Variants in ITGA1 observed in about 807,000 individuals in gnomAD.
ITGA1 encodes the protein integrin subunit alpha 1.
A neutral mutation model predicts 145.9 loss-of-function variants in ITGA1; 85 were observed. The ratio of observed to expected loss-of-function variants is 0.58; its 90% CI spans 0.49 to 0.70. ITGA1 has a LOEUF of 0.70. ITGA1 is among the 30% of genes least tolerant of loss of function. The pLI is 0.00. For synonymous variants in ITGA1, 520 were observed against 495.3 expected (o/e 1.05, Z -0.66); for missense variants, 1,351 against 1,418.7 (o/e 0.95, Z 0.77).
At chr5:52,877,361 A>T (rs1267713419) in intron 6 of ITGA1, among the ~76,000 whole-genome samples, 2 of 152,262 alleles carry the variant, frequency 1.3e-5, no homozygotes, top group East Asian at 3.9e-4. Flanking sequence ...AGCTAAGGTA[A>T]TGAGGTAGGA....
intron 2 of ITGA1, among the ~76,000 whole-genome samples, chr5:52,857,616 T>C (rs73754052): frequency 0.28 from 41,933 of 152,134 alleles, 6,061 homozygotes; most frequent in South Asian, 0.39. Flanking sequence ...TCTGTGACAC[T>C]GCTGTTTTCT....
intron 24 of ITGA1, among the ~76,000 whole-genome samples, chr5:52,939,076 T>C (rs961523531): frequency 6.6e-6 from 1 of 152,054 alleles, no homozygotes. Context: ...CTAATTTTTG[T>C]ATTTCTAGTA....
Position 52,926,427 on chromosome 5 carries a change from C to T in ITGA1, c.2613+940C>T, listed in dbSNP as rs181128059. On this transcript the variant is annotated intron_variant, in intron 19 of 28. Transcript: ENST00000282588. ...ACCATCCAGGCTAACACGGTGAAAC[C>T]CCCTCTCTACTAAAAATACAAAAAA... Among the ~76,000 whole-genome samples, 13 of 152,004 alleles carry T rather than the reference C, an allele frequency of 8.6e-5. No individual in the cohort carries two copies. The East Asian group carries it at 2.5e-3, about 30-fold the overall frequency.
chr5:52,861,639 G>C, intron 3 of ITGA1, 80 bp downstream of exon 3: 1 of 825,612 alleles, frequency 1.2e-6, no homozygotes, highest in South Asian at 1.5e-5. Flanking sequence ...AAGAGGTCAA[G>C]ACAGGCATAT....
intron 26 of ITGA1, among the ~76,000 whole-genome samples, chr5:52,943,584 C>T (rs1751084859): frequency 6.6e-6 from 1 of 152,158 alleles, no homozygotes; most frequent in African/African-American, 2.4e-5. Flanking sequence ...CCTCCAATCA[C>T]TGGCACTGTA....
intron 26 of ITGA1, among the ~76,000 whole-genome samples, chr5:52,941,428 AT>A (rs1751052746): frequency 6.6e-6 from 1 of 151,688 alleles, no homozygotes; most frequent in Non-Finnish European, 1.5e-5. Flanking sequence ...CTGCCTCACC[AT>A]TTTCTGTTAT....
intron 5 of ITGA1, among the ~76,000 whole-genome samples, 169 bp downstream of exon 5, chr5:52,865,251 T>C (rs904720160): frequency 2.6e-5 from 4 of 152,250 alleles, no homozygotes; most frequent in African/African-American, 9.6e-5. Flanking sequence ...CTGACTGCTA[T>C]TTTTGGAATT....
At position 52,869,899 on chromosome 5, in the gene ITGA1, T is replaced by G. The variant is rs1749752957; in HGVS notation, c.624+4082T>G. On this transcript the variant is annotated intron_variant, in intron 6 of 28. Coordinates refer to ENST00000282588, the MANE Select transcript of ITGA1 (RefSeq NM_181501.2). ...TAAATAATTCTCTAAAATGAAGAGA[T>G]TGGAAAGGACATATTTACCAAGCCA... Among the ~76,000 whole-genome samples, 3 of 152,182 alleles carry G rather than the reference T, an allele frequency of 2.0e-5. 1 individual carries two copies. In the South Asian group the frequency reaches 6.2e-4, roughly 31 times the overall value.
At chr5:52,797,097 T>C (rs7708122) in intron 1 of ITGA1, among the ~76,000 whole-genome samples, 12,809 of 151,976 alleles carry the variant, frequency 0.084, 1,800 homozygotes, top group African/African-American at 0.29. Context: ...AATAAAAATA[T>C]AATGATTGGT....
At chr5:52,880,481 T>C (rs1749940355) in intron 6 of ITGA1, among the ~76,000 whole-genome samples, 1 of 152,224 alleles carries the variant, frequency 6.6e-6, no homozygotes, top group Non-Finnish European at 1.5e-5. Flanking sequence ...AATATGCTTT[T>C]AGTTTCCAAA....
In ITGA1 at chr5:52,865,779, C is replaced by T. The variant is rs764443662; in HGVS notation, c.586C>T (p.Leu196Phe). The T allele has an allele frequency of 6.2e-7, 1 of 1,602,656 alleles. No individual in the cohort carries two copies. The highest frequency in any genetic ancestry group is 1.4e-5 in the African/African-American group (1 of 73,866). ...CAGTGTTACAGCTTTTTTAAATGAC[C>T]TTCTTGAAAGAATGGATATTGGTCC... is the stretch of plus-strand genomic sequence containing the variant. ...WDSVTAFLND[L>F]LERMDIGPKQ... Residue 196 changes from leucine (L) to phenylalanine (F), a missense_variant, in exon 6 of 29, where the codon CTT becomes TTT. By Grantham distance (22) the Leu-to-Phe change is conservative. Transcript: ENST00000282588.
intron 1 of ITGA1, among the ~76,000 whole-genome samples, chr5:52,797,575 A>G (rs1017238515): frequency 6.6e-6 from 1 of 152,066 alleles, no homozygotes; most frequent in Non-Finnish European, 1.5e-5. Flanking sequence ...CCAAGCTGTG[A>G]GTTTTTGTTT....
chr5:52,870,728 C>A (rs1749764875), intron 6 of ITGA1, among the ~76,000 whole-genome samples: 1 of 152,116 alleles, frequency 6.6e-6, no homozygotes, highest in Non-Finnish European at 1.5e-5. Context: ...TACTCAAAAG[C>A]AAGAGCCAGT....
intron 2 of ITGA1, among the ~76,000 whole-genome samples, chr5:52,857,584 T>C (rs73754051): frequency 0.28 from 41,936 of 152,040 alleles, 6,073 homozygotes; most frequent in South Asian, 0.39. Flanking sequence ...TCCTATTCTT[T>C]ATATTGTTTC....
chr5:52,801,493 G>T, intron 1 of ITGA1: 1 of 1,614,104 alleles, frequency 6.2e-7, no homozygotes. Context: ...AGACACTAAA[G>T]CTGCTGGGGA....
chr5:52,945,291 G>A (rs768072771), intron 27 of ITGA1, among the ~76,000 whole-genome samples: 15 of 151,926 alleles, frequency 9.9e-5, no homozygotes, highest in Non-Finnish European at 1.9e-4. Flanking sequence ...TAACTATCAC[G>A]GTAAATGGAT....
At chr5:52,950,733 C>T (rs1412119666) in intron 28 of ITGA1, among the ~76,000 whole-genome samples, 1 of 152,118 alleles carries the variant, frequency 6.6e-6, no homozygotes, top group Non-Finnish European at 1.5e-5. Context: ...TAAAATAGAA[C>T]ATTTAATGTG....
intron 14 of ITGA1, among the ~76,000 whole-genome samples, chr5:52,912,478 GTATATGTATTATATATAGTGTATCCAC>G (rs1750574310): frequency 3.2e-5 from 4 of 124,438 alleles, no homozygotes; most frequent in South Asian, 5.1e-4. Flanking sequence ...AGTGTATCCA[GTATATGTATTATATATAGTGTATCCAC>G]TATAGGTATT....
chr5:52,850,447 C>G (rs1749412253), intron 2 of ITGA1, among the ~76,000 whole-genome samples: 1 of 152,092 alleles, frequency 6.6e-6, no homozygotes, highest in African/African-American at 2.4e-5. Context: ...AGTAGCTAAA[C>G]TTTAGTTTAA....
Sources: allele counts gnomAD v4.1 joint callset (sites outside exome capture counted in the v4.1 genomes callset), GRCh38; gene constraint gnomAD v4.1.1; transcripts MANE v1.5; gene names NCBI Gene and HGNC (gene_info 2026-07-23, HGNC 2026-07-21).